The following RAP1GDS1 variants were observed in gnomAD, a reference collection of about 807,000 sequenced individuals.
RAP1GDS1 encodes the protein Rap1 GTPase-GDP dissociation stimulator 1, also known as RAP1, GTP-GDP dissociation stimulator 1.
A neutral mutation model predicts 71.1 loss-of-function variants in RAP1GDS1; 35 were observed. The observed-to-expected ratio is 0.49, with a 90% CI of 0.38 to 0.65. The LOEUF is 0.65. Ranked by LOEUF, RAP1GDS1 falls within the 30% of genes least tolerant of loss-of-function variation. The pLI is 0.00. For missense variants in RAP1GDS1, 663 were observed against 706.1 expected, an observed-to-expected ratio of 0.94 and a Z score of 0.69; for synonymous variants, 229 against 243.1, an observed-to-expected ratio of 0.94 and a Z score of 0.54.
intron 5 of RAP1GDS1, among the ~76,000 whole-genome samples, chr4:98,391,404 C>T (rs940814583): frequency 1.3e-5 from 2 of 151,978 alleles, no homozygotes; most frequent in Non-Finnish European, 2.9e-5. Context: ...TACATCTCTT[C>T]CTAGCAGTCA....
intron 2 of RAP1GDS1, among the ~76,000 whole-genome samples, chr4:98,317,939 T>G (rs1482425766): frequency 2.6e-5 from 4 of 151,182 alleles, no homozygotes; most frequent in Non-Finnish European, 5.9e-5. Flanking sequence ...GCCTCCTGGG[T>G]TCAACTGATT....
chr4:98,396,477 G>A (rs888934803), intron 6 of RAP1GDS1: 3 of 152,136 alleles, frequency 2.0e-5, no homozygotes, highest in African/African-American at 7.2e-5. Context: ...TTGTTTGAGA[G>A]GCTGCGTAGA....
At chr4:98,269,168 ATCT>A (rs1489583474) in intron 1 of RAP1GDS1, among the ~76,000 whole-genome samples, 1 of 96,490 alleles carries the variant, frequency 1.0e-5, no homozygotes, top group African/African-American at 4.0e-5. Context: ...CAGTCAATTG[ATCT>A]TCAAAAAAAA....
chr4:98,274,701 C>T (rs1723954452), intron 1 of RAP1GDS1, among the ~76,000 whole-genome samples: 1 of 152,142 alleles, frequency 6.6e-6, no homozygotes, highest in Admixed American at 6.6e-5. Flanking sequence ...TCTTCATAGA[C>T]TCTAACTCTT....
At chr4:98,427,932 G>A (rs950961743) in intron 12 of RAP1GDS1, among the ~76,000 whole-genome samples, 1 of 152,102 alleles carries the variant, frequency 6.6e-6, no homozygotes, top group African/African-American at 2.4e-5. Flanking sequence ...AAATCTGGAG[G>A]CATCACATTA....
chr4:98,268,951 A>C (rs1723062659), intron 1 of RAP1GDS1, among the ~76,000 whole-genome samples: 1 of 152,074 alleles, frequency 6.6e-6, no homozygotes. Context: ...AAATAGCAAA[A>C]CAATTCTAAA....
At chr4:98,434,210 T>G in intron 13 of RAP1GDS1, 148 bp downstream of exon 13, 1 of 991,828 alleles carries the variant, frequency 1.0e-6, no homozygotes, top group South Asian at 2.0e-5. Context: ...AAAATCATTC[T>G]ATATAGATTG....
At chr4:98,345,232 A>G (rs969982800) in intron 3 of RAP1GDS1, among the ~76,000 whole-genome samples, 9 of 152,232 alleles carry the variant, frequency 5.9e-5, no homozygotes, top group Non-Finnish European at 1.3e-4. Flanking sequence ...GAAATTGACG[A>G]TGAAAAAGAT....
chr4:98,358,231 C>T lies in RAP1GDS1; in HGVS notation c.361+5630C>T, dbSNP rs1186458059. Among the ~76,000 whole-genome samples the T allele has an allele frequency of 2.0e-5, 3 of 151,904 alleles. No individual in the cohort carries two copies. The East Asian group carries it at 5.8e-4, about 29-fold the overall frequency. On this transcript the variant is annotated intron_variant, in intron 4 of 14. Transcript: ENST00000408927. ...TCCCTAGATGATTCTGTGCACATAC[C>T]TAGTTACAATATGTAAGGATATTTA...
intron 5 of RAP1GDS1, among the ~76,000 whole-genome samples, chr4:98,380,580 A>G (rs1423514920): frequency 1.3e-5 from 2 of 151,818 alleles, no homozygotes; most frequent in African/African-American, 4.8e-5. Context: ...AATGCCCTAA[A>G]TATAAATATG....
At chr4:98,387,714 C>T (rs992848260) in intron 5 of RAP1GDS1, among the ~76,000 whole-genome samples, 14 of 152,116 alleles carry the variant, frequency 9.2e-5, no homozygotes, top group African/African-American at 2.2e-4. Flanking sequence ...ACAGAGTCTT[C>T]GGACATTTAT....
At chr4:98,422,250 C>T (rs9997973) in intron 12 of RAP1GDS1, among the ~76,000 whole-genome samples, 9,747 of 152,098 alleles carry the variant, frequency 0.064, 828 homozygotes, top group African/African-American at 0.2. Flanking sequence ...CTGAGTCTTG[C>T]TCTCTCGCTC....
chr4:98,420,335 ATTATTTAT>A (rs35020636), intron 11 of RAP1GDS1, among the ~76,000 whole-genome samples, 191 bp downstream of exon 11: 45 of 149,866 alleles, frequency 3.0e-4, no homozygotes, highest in East Asian at 1.2e-3. Flanking sequence ...ATTTATACAT[ATTATTTAT>A]TTATTTATTT....
chr4:98,402,638 T>G (rs182454364), intron 6 of RAP1GDS1, among the ~76,000 whole-genome samples: 2 of 152,330 alleles, frequency 1.3e-5, no homozygotes, highest in Admixed American at 1.3e-4. Flanking sequence ...CAAAACTGTA[T>G]TTAACCATAT....
chr4:98,334,948 T>C (rs570692305), intron 2 of RAP1GDS1, among the ~76,000 whole-genome samples: 25 of 147,596 alleles, frequency 1.7e-4, no homozygotes, highest in Non-Finnish European at 2.1e-4. Context: ...ATGGGGAAGG[T>C]AGAAGGCTTT....
chr4:98,306,692 T>C (rs941625654), intron 2 of RAP1GDS1, among the ~76,000 whole-genome samples: 6 of 152,210 alleles, frequency 3.9e-5, no homozygotes, highest in Non-Finnish European at 7.3e-5. Flanking sequence ...TAGCTTTAAG[T>C]AATAAATAGA....
At chr4:98,413,816 A>C (rs1008068793) in intron 7 of RAP1GDS1, among the ~76,000 whole-genome samples, 2 of 152,078 alleles carry the variant, frequency 1.3e-5, no homozygotes, top group South Asian at 2.1e-4. Flanking sequence ...CAATGGTGGA[A>C]CTAGTTTACA....
chr4:98,268,473 T>C (rs1722996775), intron 1 of RAP1GDS1, among the ~76,000 whole-genome samples: 1 of 151,710 alleles, frequency 6.6e-6, no homozygotes, highest in Non-Finnish European at 1.5e-5. Context: ...GCAGAGCAAA[T>C]AGACAAGAAA....
intron 2 of RAP1GDS1, among the ~76,000 whole-genome samples, chr4:98,320,432 G>C (rs545493818): frequency 1.7e-4 from 26 of 152,246 alleles, no homozygotes; most frequent in South Asian, 6.2e-4. Context: ...TTCAGTGTAG[G>C]GGGGAGGAGC....
Sources: gnomAD v4.1 joint callset for allele counts (sites outside exome capture counted in the v4.1 genomes callset) on GRCh38, gnomAD v4.1.1 for gene constraint, MANE v1.5 for transcripts, NCBI Gene and HGNC (gene_info 2026-07-23, HGNC 2026-07-21) for gene names.